SPTBN4: variants seen among roughly 807,000 people sequenced by gnomAD.
The protein encoded by SPTBN4 is spectrin beta, non-erythrocytic 4, also known as spectrin beta chain, non-erythrocytic 4.
Under a neutral mutation model 277.8 loss-of-function variants are expected in SPTBN4, and 96 were observed. The observed-to-expected ratio is 0.35, with a 90% CI of 0.29 to 0.41. The LOEUF is 0.41. SPTBN4 is among the 10% of genes least tolerant of loss of function. SPTBN4 has a pLI of 1.00. For missense variants in SPTBN4, 3,006 were observed against 3,595.7 expected (o/e 0.84, Z 4.19); for synonymous variants, 1,481 against 1,580.3 (o/e 0.94, Z 1.49).
At chr19:40,511,168 G>A (rs753716575) in intron 13 of SPTBN4, among the ~76,000 whole-genome samples, 3 of 152,096 alleles carry the variant, frequency 2.0e-5, no homozygotes, top group Admixed American at 1.3e-4. Context: ...CATTTTAGGA[G>A]GCTGAGGGGG....
chr19:40,508,775 A>G (rs2080357960), intron 13 of SPTBN4, among the ~76,000 whole-genome samples: 1 of 151,814 alleles, frequency 6.6e-6, no homozygotes, highest in Middle Eastern at 3.4e-3. Context: ...CAGTGTAGTG[A>G]GTTTTGCTGT....
chr19:40,530,044 A>C (rs994657851), intron 18 of SPTBN4, among the ~76,000 whole-genome samples: 1 of 151,978 alleles, frequency 6.6e-6, no homozygotes, highest in South Asian at 2.1e-4. Context: ...CCGGGACTTG[A>C]GCCACTGGAG....
intron 12 of SPTBN4, among the ~76,000 whole-genome samples, chr19:40,504,647 C>A (rs1339475510): frequency 6.7e-6 from 1 of 149,260 alleles, no homozygotes; most frequent in Non-Finnish European, 1.5e-5. Context: ...CCAGCCTGGG[C>A]GACAGAGCGA....
At chr19:40,473,357 T>TTTTG (rs1555808350) in intron 2 of SPTBN4, among the ~76,000 whole-genome samples, 1 of 141,320 alleles carries the variant, frequency 7.1e-6, no homozygotes, top group African/African-American at 2.7e-5. Context: ...GCCTGGTGTT[T>TTTTG]TTTTTTTTTT....
intron 2 of SPTBN4, among the ~76,000 whole-genome samples, chr19:40,484,988 C>T (rs2080055615): frequency 6.6e-6 from 1 of 151,988 alleles, no homozygotes; most frequent in Non-Finnish European, 1.5e-5. Flanking sequence ...ACTTTATTGG[C>T]ACCCACCACC....
At position 40,506,289 on chromosome 19, in the gene SPTBN4, G is replaced by A. The variant is rs369387607; in HGVS notation, c.1719G>A (p.Leu573=). The A allele has an allele frequency of 3.1e-6, 5 of 1,613,930 alleles. No individual in the cohort carries two copies. Among genetic ancestry groups the A allele is most frequent in the Non-Finnish European group, 4.2e-6 (5 of 1,179,910 alleles). The change falls in exon 13 of 36, where the codon CTG becomes CTA. Residue 573 remains leucine, a synonymous_variant. Transcript: ENST00000598249. ...CGQHLVEADD[L]LQKHGLLEGD... Reference sequence around the variant, plus strand: ...AGCACCTGGTGGAGGCAGACGACCTGTTGCAGAAGCATGGACTGCTGGAGG... The same window carrying A: ...AGCACCTGGTGGAGGCAGACGACCTATTGCAGAAGCATGGACTGCTGGAGG...
At chr19:40,485,416 C>T (rs1032206106) in intron 2 of SPTBN4, among the ~76,000 whole-genome samples, 2 of 151,442 alleles carry the variant, frequency 1.3e-5, no homozygotes, top group African/African-American at 4.9e-5. Flanking sequence ...GCCAGAATTA[C>T]AGGTGTGAGC....
At position 40,559,221 on chromosome 19, in the gene SPTBN4, C is replaced by T. The variant is rs376378433; in HGVS notation, c.5671-938C>T. On this transcript the variant is annotated intron_variant, in intron 26 of 35. Coordinates refer to ENST00000598249, the MANE Select transcript of SPTBN4 (RefSeq NM_020971.3). ...CTGGGGTTATAGGCATGAGCCACCGCGCCCAGCCCAGTTATTTTTTATAAA... is the reference window on the plus strand; with the variant it reads ...CTGGGGTTATAGGCATGAGCCACCGTGCCCAGCCCAGTTATTTTTTATAAA... Among the ~76,000 whole-genome samples the T allele has an allele frequency of 5.3e-5, 8 of 152,212 alleles. No homozygotes were observed. In the South Asian group the frequency reaches 6.2e-4, roughly 12 times the overall value.
chr19:40,476,362 A>AAAG (rs1555808911), intron 2 of SPTBN4, among the ~76,000 whole-genome samples: 1 of 144,988 alleles, frequency 6.9e-6, no homozygotes, highest in Non-Finnish European at 1.5e-5. Context: ...AAAAAAAAAA[A>AAAG]AGAGAGAGAG....
At chr19:40,549,439 C>T (rs1353771055) in intron 21 of SPTBN4, 26 bp downstream of exon 21, 20 of 9,332 alleles carry the variant, frequency 2.1e-3, no homozygotes, top group Non-Finnish European at 3.6e-3. Context: ...GGGCCTGGGG[C>T]GGGGCGGGGC....
At chr19:40,467,483 C>T (rs1424373391) in intron 1 of SPTBN4, among the ~76,000 whole-genome samples, 178 bp downstream of exon 1, 1 of 152,152 alleles carries the variant, frequency 6.6e-6, no homozygotes, top group Non-Finnish European at 1.5e-5. Flanking sequence ...TTCCGCGCCA[C>T]GCGTGGGTCT....
At chr19:40,555,206 G>T (rs1787708887) in intron 24 of SPTBN4, 1 of 152,450 alleles carries the variant, frequency 6.6e-6, no homozygotes, top group Admixed American at 6.5e-5. Context: ...TCCCACCGAG[G>T]TTCCTGGATA....
rs768354201 is a variant in SPTBN4 at position 40,560,197 on chromosome 19, G to T, written c.5709G>T (p.Thr1903=). The change falls in exon 27 of 36, where the codon ACG becomes ACT. Residue 1903 remains threonine (T), a synonymous_variant. Transcript: ENST00000598249. The surrounding 1 kb of genome is among the most constrained non-coding windows in gnomAD (Gnocchi z 5.2). The part of the protein sequence containing the change: ...QLQEGAAQLR[T]VYAGEHAEAI... ...AGGAGGGGGCGGCCCAGCTGCGGACGGTGTATGCGGGTGAACATGCCGAGG... is the reference window on the plus strand; with the variant it reads ...AGGAGGGGGCGGCCCAGCTGCGGACTGTGTATGCGGGTGAACATGCCGAGG... The T allele has an allele frequency of 6.2e-7, 1 of 1,603,988 alleles. No homozygotes were observed. The highest frequency in any genetic ancestry group is 2.2e-5 in the East Asian group (1 of 44,880).
chr19:40,525,567 T>C (rs1021503886), intron 17 of SPTBN4, among the ~76,000 whole-genome samples: 1 of 152,208 alleles, frequency 6.6e-6, no homozygotes, highest in Admixed American at 6.5e-5. Context: ...GTTCATTCCA[T>C]GATTCATTCA....
At chr19:40,512,539 C>G (rs1478152639) in intron 13 of SPTBN4, 67 bp from the exon 14 acceptor site, 1 of 1,440,656 alleles carries the variant, frequency 6.9e-7, no homozygotes, top group Non-Finnish European at 9.1e-7. Flanking sequence ...AGGTAGCCCG[C>G]ACCATCCTCT....
intron 1 of SPTBN4, 109 bp downstream of exon 1, chr19:40,467,414 T>TA (rs968951112): frequency 6.6e-6 from 1 of 152,492 alleles, no homozygotes; most frequent in Middle Eastern, 3.1e-3. Flanking sequence ...TCTCCCCGGC[T>TA]GGAGGGAGGC....
chr19:40,544,440 CTTTTTTTT>C (rs3071333), intron 20 of SPTBN4, among the ~76,000 whole-genome samples: 10 of 51,754 alleles, frequency 1.9e-4, no homozygotes, highest in South Asian at 7.5e-4. Flanking sequence ...TTGTGCCCGG[CTTTTTTTT>C]TTTTTTTTTT....
chr19:40,557,156 G>A lies in SPTBN4; in HGVS notation c.5423G>A (p.Trp1808Ter), dbSNP rs142669189. The change falls in exon 26 of 36, where the codon TGG becomes TAG. Residue 1808 changes from tryptophan to a stop codon, truncating the protein, a stop_gained. Transcript: ENST00000598249. LOFTEE classifies it high-confidence loss of function. ...ACAGCAGCGGCCACCATGGCCGAGT[G>A]GAAGGACGGACTGAACGAGGCCTGG... is the stretch of plus-strand genomic sequence containing the variant. Reference protein sequence around the residue: ...GHTAAATMAEWKDGLNEAWAE... With the variant: ...GHTAAATMAE The A allele has an allele frequency of 6.2e-7, 1 of 1,611,470 alleles. No individual in the cohort carries two copies.
At position 40,549,296 on chromosome 19, in the gene SPTBN4, G is replaced by A. The variant is rs1255758155; in HGVS notation, c.4467G>A (p.Arg1489=). The change falls in exon 21 of 36, where the codon CGG becomes CGA. Residue 1489 remains arginine, a synonymous_variant. Transcript: ENST00000598249. ...EPASKELVGE[R]QNAVGERLVR... ...CGAGCAAGGAGCTGGTGGGTGAGCG[G>A]CAGAACGCGGTGGGCGAGCGCCTGG... 10 of 1,542,698 alleles carry A rather than the reference G, an allele frequency of 6.5e-6. No homozygotes were observed. The Admixed American group carries it at 1.4e-4, about 21-fold the overall frequency.
Sources: gnomAD v4.1 joint callset for allele counts (sites outside exome capture counted in the v4.1 genomes callset) on GRCh38, gnomAD v4.1.1 for gene constraint, Gnocchi (gnomAD v3.1) non-coding constraint, MANE v1.5 for transcripts, NCBI Gene and HGNC (gene_info 2026-07-23, HGNC 2026-07-21) for gene names.